Variants in PCDH15 observed in about 807,000 individuals in gnomAD.
PCDH15 encodes the protein protocadherin-15.
PCDH15 carries 129 observed loss-of-function variants against 178.5 expected under a neutral mutation model. The ratio of observed to expected loss-of-function variants is 0.72; its 90% CI spans 0.63 to 0.84. PCDH15 has a LOEUF of 0.84. Ranked by LOEUF, PCDH15 falls within the 40% of genes least tolerant of loss-of-function variation. PCDH15 has a pLI of 0.00. For synonymous variants in PCDH15, 800 were observed against 732.0 expected (o/e 1.09, Z -1.50); for missense variants, 2,230 against 2,099.9 (o/e 1.06, Z -1.21).
intron 3 of PCDH15, among the ~76,000 whole-genome samples, chr10:54,876,984 A>G (rs1005567901): frequency 2.0e-5 from 3 of 152,208 alleles, no homozygotes; most frequent in Non-Finnish European, 4.4e-5. Flanking sequence ...GAATCAATCA[A>G]TGCAGGAAAC....
intron 1 of PCDH15, among the ~76,000 whole-genome samples, chr10:54,789,952 T>C (rs78349255): frequency 0.036 from 5,527 of 151,986 alleles, 285 homozygotes; most frequent in African/African-American, 0.12. Context: ...ACATACACTA[T>C]CAAATTGACT....
intron 1 of PCDH15, among the ~76,000 whole-genome samples, chr10:54,680,454 A>G (rs2094878467): frequency 6.6e-6 from 1 of 152,126 alleles, no homozygotes; most frequent in Admixed American, 6.5e-5. Context: ...GTCTTTGTGG[A>G]GCTTTCTTTT....
In PCDH15 at chr10:54,121,269, A is replaced by C. The variant is rs553367201; in HGVS notation, c.1917+11606T>G. 2.6e-5 allele frequency among the ~76,000 whole-genome samples: 4 copies of C among 152,216 alleles called. No homozygotes were observed. The South Asian group carries it at 8.3e-4, about 32-fold the overall frequency. On this transcript the variant is annotated intron_variant, in intron 15 of 37. Transcript: ENST00000644397. Reference sequence around the variant, plus strand: ...AATCAAAACAGAAACACAACATAAAAAATCTCTGGGATGTTGCAAAATCAG... The same window carrying C: ...AATCAAAACAGAAACACAACATAAACAATCTCTGGGATGTTGCAAAATCAG...
chr10:55,511,238 T>G (rs909993111), intron 2 of PCDH15, among the ~76,000 whole-genome samples: 1 of 145,816 alleles, frequency 6.9e-6, no homozygotes, highest in Non-Finnish European at 1.5e-5. Flanking sequence ...CAAAAGCCAC[T>G]TTGGAAAGAA....
chr10:55,216,299 T>C (rs961584447), intron 1 of PCDH15, among the ~76,000 whole-genome samples: 29 of 152,004 alleles, frequency 1.9e-4, no homozygotes, highest in Non-Finnish European at 4.0e-4. Flanking sequence ...TCCTAGTTTT[T>C]CTGTTCTACT....
intron 3 of PCDH15, among the ~76,000 whole-genome samples, chr10:54,456,590 C>A (rs2076837574): frequency 6.6e-6 from 1 of 152,110 alleles, no homozygotes; most frequent in African/African-American, 2.4e-5. Context: ...CTTTCGAGTA[C>A]ATGCTGGAAT....
chr10:53,958,150 A>T (rs956903858), intron 23 of PCDH15, among the ~76,000 whole-genome samples: 2 of 152,150 alleles, frequency 1.3e-5, no homozygotes, highest in African/African-American at 4.8e-5. Flanking sequence ...AAAGTAAAAA[A>T]CACTAAAGTC....
At chr10:55,283,387 C>T (rs937926738) in intron 1 of PCDH15, among the ~76,000 whole-genome samples, 2 of 151,882 alleles carry the variant, frequency 1.3e-5, no homozygotes, top group African/African-American at 4.8e-5. Flanking sequence ...TCCCTGAATT[C>T]GTGGGGAGAC....
chr10:54,389,542 T>A (rs1203582380), intron 3 of PCDH15, among the ~76,000 whole-genome samples: 1 of 152,166 alleles, frequency 6.6e-6, no homozygotes, highest in Non-Finnish European at 1.5e-5. Context: ...GACATAAGTA[T>A]CATCTTCACA....
chr10:54,740,770 A>T (rs1018821028), intron 1 of PCDH15, among the ~76,000 whole-genome samples: 1 of 152,056 alleles, frequency 6.6e-6, no homozygotes, highest in Non-Finnish European at 1.5e-5. Context: ...AGCCAAATAC[A>T]GAAAAACAAA....
intron 1 of PCDH15, among the ~76,000 whole-genome samples, chr10:54,707,704 T>C (rs1421849725): frequency 2.0e-5 from 3 of 152,224 alleles, no homozygotes; most frequent in Non-Finnish European, 4.4e-5. Context: ...TCTCACTTCA[T>C]GAAAAACTGG....
At chr10:55,273,249 T>C (rs567949564) in intron 1 of PCDH15, among the ~76,000 whole-genome samples, 1 of 152,076 alleles carries the variant, frequency 6.6e-6, no homozygotes, top group Non-Finnish European at 1.5e-5. Flanking sequence ...CAAGAGTAAG[T>C]GGTTGAACAA....
intron 8 of PCDH15, among the ~76,000 whole-genome samples, chr10:54,250,265 T>C (rs1030443860): frequency 1.4e-5 from 2 of 147,134 alleles, no homozygotes; most frequent in Non-Finnish European, 3.0e-5. Context: ...AATATGCTAT[T>C]ACTTTTTTTT....
In PCDH15 at chr10:55,116,303, C is replaced by G. The variant is rs1234168460; in HGVS notation, c.-80+50273G>C. On this transcript the variant is annotated intron_variant, in intron 2 of 5. Coordinates refer to the PCDH15 transcript ENST00000458638. ...ATCTATTAAGATTATTTACAATAACCAGGCATGCTATTTTCTTTCTTTGTT... is the reference window on the plus strand; with the variant it reads ...ATCTATTAAGATTATTTACAATAACGAGGCATGCTATTTTCTTTCTTTGTT... Among the ~76,000 whole-genome samples the G allele has an allele frequency of 2.6e-5, 4 of 152,096 alleles. No individual in the cohort carries two copies. In the South Asian group the frequency reaches 8.3e-4, roughly 31 times the overall value.
intron 15 of PCDH15, among the ~76,000 whole-genome samples, chr10:54,099,236 C>T (rs926354926): frequency 6.6e-6 from 1 of 152,066 alleles, no homozygotes; most frequent in African/African-American, 2.4e-5. Flanking sequence ...CGCAGTGGCT[C>T]ACGCCTGTAA....
At chr10:54,570,581 T>TTATTC (rs372126916) in intron 2 of PCDH15, among the ~76,000 whole-genome samples, 2,803 of 152,188 alleles carry the variant, frequency 0.018, 84 homozygotes, top group African/African-American at 0.064. Flanking sequence ...TGGAATATAT[T>TTATTC]TATTCTATTA....
At chr10:55,573,775 A>T (rs1269201446) in intron 2 of PCDH15, among the ~76,000 whole-genome samples, 1 of 151,960 alleles carries the variant, frequency 6.6e-6, no homozygotes, top group African/African-American at 2.4e-5. Context: ...ATCCTGCTAG[A>T]CTCAAAGTCT....
intron 14 of PCDH15, among the ~76,000 whole-genome samples, chr10:54,149,977 G>T (rs962441774): frequency 6.6e-6 from 1 of 152,076 alleles, no homozygotes; most frequent in Non-Finnish European, 1.5e-5. Context: ...AGGGTGTTTG[G>T]TCAGAGTGAC....
chr10:54,449,679 A>T (rs1589464287), intron 3 of PCDH15, among the ~76,000 whole-genome samples: 3 of 152,042 alleles, frequency 2.0e-5, no homozygotes, highest in East Asian at 3.9e-4. Flanking sequence ...AAGACAGCAT[A>T]ACAACTATTT....
Sources: gnomAD v4.1 joint callset for allele counts (sites outside exome capture counted in the v4.1 genomes callset) on GRCh38, gnomAD v4.1.1 for gene constraint, MANE v1.5 for transcripts, NCBI Gene and HGNC (gene_info 2026-07-23, HGNC 2026-07-21) for gene names.